TMEM117: variants seen among roughly 807,000 people sequenced by gnomAD.
The protein encoded by TMEM117 is transmembrane protein 117.
In TMEM117, 27 loss-of-function variants were observed where a neutral mutation model predicts 52.4. The observed-to-expected ratio is 0.51, with a 90% confidence interval of 0.38 to 0.71. The LOEUF is 0.71. Ranked by LOEUF, TMEM117 falls within the 30% of genes least tolerant of loss-of-function variation. The probability of loss-of-function intolerance (pLI) is 0.00; values close to 1 mark genes in which losing one functional copy is unlikely to be tolerated. For missense variants in TMEM117, 556 were observed against 630.5 expected, an observed-to-expected ratio of 0.88 and a Z score of 1.26; for synonymous variants, 215 against 206.3, an observed-to-expected ratio of 1.04 and a Z score of -0.36.
chr12:44,156,519 T>C (rs1948827754), intron 4 of TMEM117, among the ~76,000 whole-genome samples: 1 of 152,080 alleles, frequency 6.6e-6, no homozygotes, highest in Non-Finnish European at 1.5e-5. Context: ...GATAGTGGTT[T>C]AACTTGTCTG....
chr12:43,885,528 A>G (rs1013600187), intron 2 of TMEM117, among the ~76,000 whole-genome samples: 5 of 151,636 alleles, frequency 3.3e-5, no homozygotes, highest in African/African-American at 1.2e-4. Context: ...GCCAAGAGGG[A>G]AAAAAAGAAC....
intron 3 of TMEM117, among the ~76,000 whole-genome samples, chr12:44,116,476 TTC>T (rs1440072613): frequency 6.6e-6 from 1 of 151,096 alleles, no homozygotes; most frequent in African/African-American, 2.4e-5. Flanking sequence ...TTTCCTTTTC[TTC>T]TCTCTGTGGA....
the TMEM117 span, among the ~76,000 whole-genome samples, chr12:43,822,791 G>A: frequency 6.6e-6 from 1 of 151,954 alleles, no homozygotes; most frequent in Non-Finnish European, 1.5e-5. Flanking sequence ...CAGCTACTTG[G>A]GAGGCCGAGG....
At chr12:44,376,751 G>A in intron 7 of TMEM117, 27 bp downstream of exon 7, 1 of 1,572,132 alleles carries the variant, frequency 6.4e-7, no homozygotes, top group Non-Finnish European at 8.6e-7. Flanking sequence ...AACACAATTT[G>A]ATTATCTTCG....
the TMEM117 span, among the ~76,000 whole-genome samples, chr12:43,820,294 G>C: frequency 2.0e-5 from 3 of 151,564 alleles, no homozygotes; most frequent in Non-Finnish European, 4.4e-5. Flanking sequence ...TATTATTTGA[G>C]ATGGAGTCTC....
At chr12:44,002,705 T>G (rs536179708) in intron 3 of TMEM117, among the ~76,000 whole-genome samples, 1 of 152,300 alleles carries the variant, frequency 6.6e-6, no homozygotes, top group Admixed American at 6.5e-5. Flanking sequence ...ATCTCATGAT[T>G]ATCGATCCTT....
chr12:44,008,939 C>A (rs1387531335), intron 3 of TMEM117: 2 of 385,098 alleles, frequency 5.2e-6, no homozygotes, highest in East Asian at 1.5e-4. Context: ...AAGATCTGAA[C>A]TCCATCTAAA....
chr12:44,300,464 C>T (rs1336089395), intron 6 of TMEM117, among the ~76,000 whole-genome samples: 1 of 152,172 alleles, frequency 6.6e-6, no homozygotes. Context: ...CCTCCTGAGG[C>T]ATTGTAAGTC....
intron 3 of TMEM117, among the ~76,000 whole-genome samples, chr12:43,968,043 C>A (rs536078074): frequency 5.9e-5 from 9 of 152,260 alleles, no homozygotes; most frequent in African/African-American, 2.2e-4. Flanking sequence ...GGTAGGGGGA[C>A]TTTAAAATGG....
At chr12:43,983,226 A>G (rs371017113) in intron 3 of TMEM117, among the ~76,000 whole-genome samples, 87 of 152,256 alleles carry the variant, frequency 5.7e-4, no homozygotes, top group Admixed American at 1.8e-3. Context: ...GTTTGTTTAC[A>G]TGGTGGCAGC....
intron 6 of TMEM117, among the ~76,000 whole-genome samples, chr12:44,300,110 G>A (rs1022937757): frequency 2.0e-5 from 3 of 152,168 alleles, no homozygotes; most frequent in Non-Finnish European, 2.9e-5. Flanking sequence ...AAGCAGCAAA[G>A]CAGGGAAAAG....
At chr12:43,970,530 C>T (rs568958683) in intron 3 of TMEM117, among the ~76,000 whole-genome samples, 8 of 152,148 alleles carry the variant, frequency 5.3e-5, no homozygotes, top group South Asian at 2.1e-4. Context: ...CCTTGTGATC[C>T]GCCTGGCTCG....
intron 5 of TMEM117, among the ~76,000 whole-genome samples, chr12:44,222,537 A>G (rs1949802666): frequency 6.6e-6 from 1 of 152,184 alleles, no homozygotes; most frequent in Non-Finnish European, 1.5e-5. Context: ...TCACTTCTAC[A>G]TATCACCACT....
chr12:43,823,747 C>T, the TMEM117 span, among the ~76,000 whole-genome samples: 10 of 152,078 alleles, frequency 6.6e-5, no homozygotes, highest in Admixed American at 2.6e-4. Flanking sequence ...CTGTTGACCT[C>T]GTGATCCACC....
intron 2 of TMEM117, among the ~76,000 whole-genome samples, chr12:43,845,955 T>C (rs1943200736): frequency 1.3e-5 from 2 of 152,184 alleles, no homozygotes. Flanking sequence ...GAAAATAGCT[T>C]TTCCCCTCAT....
chr12:43,889,024 T>C (rs1288601101), intron 2 of TMEM117, among the ~76,000 whole-genome samples: 1 of 151,974 alleles, frequency 6.6e-6, no homozygotes, highest in Non-Finnish European at 1.5e-5. Context: ...TGACCAGGGT[T>C]AGGGGAGCAG....
At chr12:44,165,865 A>G (rs1257793827) in intron 4 of TMEM117, among the ~76,000 whole-genome samples, 1 of 152,244 alleles carries the variant, frequency 6.6e-6, no homozygotes, top group Non-Finnish European at 1.5e-5. Context: ...TGCACTTTAG[A>G]CCAAATGGAC....
chr12:44,095,764 T>C (rs1397932389), intron 3 of TMEM117, among the ~76,000 whole-genome samples: 1 of 152,132 alleles, frequency 6.6e-6, no homozygotes, highest in Non-Finnish European at 1.5e-5. Flanking sequence ...TTAGAAATAC[T>C]GAATGGGCAA....
chr12:43,986,713 A>G (rs1190545990), intron 3 of TMEM117, among the ~76,000 whole-genome samples: 4 of 152,190 alleles, frequency 2.6e-5, no homozygotes, highest in Non-Finnish European at 4.4e-5. Flanking sequence ...TCAATGAGAC[A>G]TAAATTGAAC....
Sources: gnomAD v4.1 joint callset for allele counts (sites outside exome capture counted in the v4.1 genomes callset) on GRCh38, gnomAD v4.1.1 for gene constraint, MANE v1.5 for transcripts, NCBI Gene and HGNC (gene_info 2026-07-23, HGNC 2026-07-21) for gene names.